The following SPOCK3 variants were observed in gnomAD, a reference collection of about 807,000 sequenced individuals.
The protein encoded by SPOCK3 is testican-3.
A neutral mutation model predicts 56.6 loss-of-function variants in SPOCK3; 30 were observed. That is an observed-to-expected ratio of 0.53 (90% CI 0.40 to 0.72). The LOEUF (loss-of-function observed/expected upper bound fraction) is 0.72. Ranked by LOEUF, SPOCK3 falls within the 30% of genes least tolerant of loss-of-function variation. SPOCK3 has a pLI of 0.00. For synonymous variants in SPOCK3, 196 were observed against 183.3 expected (o/e 1.07, Z -0.56); for missense variants, 527 against 530.0 (o/e 0.99, Z 0.06).
At chr4:167,046,631 G>GT (rs1753759353) in intron 3 of SPOCK3, among the ~76,000 whole-genome samples, 1 of 150,648 alleles carries the variant, frequency 6.6e-6, no homozygotes. Flanking sequence ...AATTTTTTAT[G>GT]TTTTTTAGTA....
At chr4:166,741,512 ATATC>A (rs1407113316) in intron 9 of SPOCK3, among the ~76,000 whole-genome samples, 2 of 152,310 alleles carry the variant, frequency 1.3e-5, no homozygotes, top group Middle Eastern at 3.4e-3. Flanking sequence ...AAAATCTGAA[ATATC>A]TATCTACTTA....
intron 4 of SPOCK3, among the ~76,000 whole-genome samples, chr4:166,950,092 T>C (rs371893850): frequency 1.7e-3 from 254 of 147,436 alleles, no homozygotes; most frequent in African/African-American, 5.9e-3. Flanking sequence ...ACAATATTAA[T>C]TTTAAATGTA....
At chr4:167,223,083 TGAATA>T (rs1736189039) in intron 2 of SPOCK3, among the ~76,000 whole-genome samples, 21 of 107,482 alleles carry the variant, frequency 2.0e-4, no homozygotes, top group African/African-American at 7.4e-4. Context: ...ATTTTATATA[TGAATA>T]TATATTTTAT....
chr4:166,942,826 T>C (rs1190400566), intron 4 of SPOCK3, among the ~76,000 whole-genome samples: 4 of 152,182 alleles, frequency 2.6e-5, no homozygotes, highest in Non-Finnish European at 5.9e-5. Context: ...AAAAAGTCTA[T>C]TAAGCAATAA....
At chr4:167,210,986 A>G (rs1734816040) in intron 2 of SPOCK3, among the ~76,000 whole-genome samples, 1 of 152,232 alleles carries the variant, frequency 6.6e-6, no homozygotes, top group Admixed American at 6.5e-5. Context: ...TTGCTAAACA[A>G]TGAACGATTT....
intron 4 of SPOCK3, among the ~76,000 whole-genome samples, chr4:166,976,173 C>A (rs1745925247): frequency 1.3e-5 from 2 of 152,188 alleles, no homozygotes; most frequent in South Asian, 4.1e-4. Flanking sequence ...CTGTTCCTAC[C>A]ACTTTCTTCC....
At chr4:166,787,348 G>T (rs13151208) in intron 7 of SPOCK3, among the ~76,000 whole-genome samples, 2 of 152,118 alleles carry the variant, frequency 1.3e-5, no homozygotes, top group Non-Finnish European at 2.9e-5. Context: ...TCTCTTGCAT[G>T]TTTGCACATA....
At chr4:167,090,094 A>T (rs1367709798) in intron 2 of SPOCK3, among the ~76,000 whole-genome samples, 3 of 152,108 alleles carry the variant, frequency 2.0e-5, no homozygotes, top group African/African-American at 4.8e-5. Context: ...TATTTATAAC[A>T]AGTTTTGTGT....
intron 2 of SPOCK3, among the ~76,000 whole-genome samples, chr4:167,175,208 C>T (rs530605030): frequency 6.6e-6 from 1 of 152,126 alleles, no homozygotes; most frequent in Admixed American, 6.6e-5. Flanking sequence ...TGCTAAATTG[C>T]CATTTCCCAT....
At position 166,772,537 on chromosome 4, in the gene SPOCK3, A is replaced by C. The variant is rs76447946; in HGVS notation, c.710-17808T>G. ...GCCATCTAATACAATCAAATCTGCT[A>C]TTCTATCAAATTAGAAGAAAGAGAG... On this transcript the variant is annotated intron_variant, in intron 7 of 10. Transcript: ENST00000357545. Among the ~76,000 whole-genome samples the C allele has an allele frequency of 4.7e-3, 706 of 148,924 alleles. 4 individuals are homozygous for C. Among genetic ancestry groups the C allele is most frequent in the African/African-American group, 0.017 (671 of 40,038 alleles).
At chr4:166,924,667 T>C (rs1034003991) in intron 4 of SPOCK3, among the ~76,000 whole-genome samples, 32 of 152,356 alleles carry the variant, frequency 2.1e-4, no homozygotes, top group African/African-American at 7.7e-4. Context: ...TGACTTATCA[T>C]GTTTGCTGAA....
intron 2 of SPOCK3, among the ~76,000 whole-genome samples, chr4:167,161,329 T>A (rs1028640141): frequency 7.2e-5 from 11 of 151,810 alleles, no homozygotes; most frequent in Admixed American, 2.0e-4. Context: ...GCAAATCAAA[T>A]CCACAATGAG....
At chr4:167,202,917 C>T (rs1001484153) in intron 2 of SPOCK3, among the ~76,000 whole-genome samples, 10 of 151,764 alleles carry the variant, frequency 6.6e-5, no homozygotes, top group African/African-American at 2.4e-4. Flanking sequence ...TCCACTTAAG[C>T]ATTCTTTTGT....
intron 4 of SPOCK3, among the ~76,000 whole-genome samples, chr4:166,994,106 G>A (rs909613678): frequency 1.3e-5 from 2 of 152,064 alleles, no homozygotes; most frequent in Non-Finnish European, 1.5e-5. Flanking sequence ...TCTGCCAGAA[G>A]AACAAAGGAA....
intron 2 of SPOCK3, among the ~76,000 whole-genome samples, chr4:167,105,912 T>G (rs1760096252): frequency 6.6e-6 from 1 of 151,864 alleles, no homozygotes; most frequent in Non-Finnish European, 1.5e-5. Context: ...CATGATAAAG[T>G]GGTCAATTCA....
At chr4:167,046,444 G>T (rs1753729810) in intron 3 of SPOCK3, among the ~76,000 whole-genome samples, 12 of 100,462 alleles carry the variant, frequency 1.2e-4, no homozygotes, top group Admixed American at 3.9e-4. Flanking sequence ...TTTTCTTTCT[G>T]ATATTCTTTT....
intron 3 of SPOCK3, among the ~76,000 whole-genome samples, chr4:167,059,322 C>T (rs183320353): frequency 0.055 from 8,324 of 152,088 alleles, 337 homozygotes; most frequent in African/African-American, 0.11. Context: ...ACAAACAACC[C>T]CATCAAAAAG....
intron 6 of SPOCK3, among the ~76,000 whole-genome samples, chr4:166,869,853 A>G (rs1365836570): frequency 6.6e-6 from 1 of 152,086 alleles, no homozygotes; most frequent in African/African-American, 2.4e-5. Flanking sequence ...TACTTAAAGC[A>G]TAAGTTGATG....
At chr4:166,889,684 G>A (rs991017910) in intron 5 of SPOCK3, among the ~76,000 whole-genome samples, 2 of 151,836 alleles carry the variant, frequency 1.3e-5, no homozygotes, top group Non-Finnish European at 2.9e-5. Context: ...TGGCTACAGA[G>A]ACTCTATGCA....
Sources: allele counts gnomAD v4.1 joint callset (sites outside exome capture counted in the v4.1 genomes callset), GRCh38; gene constraint gnomAD v4.1.1; transcripts MANE v1.5; gene names NCBI Gene and HGNC (gene_info 2026-07-23, HGNC 2026-07-21).